The following PRDM5 variants were observed in gnomAD, a reference collection of about 807,000 sequenced individuals.
PRDM5 encodes PR domain zinc finger protein 5.
PRDM5 carries 56 observed loss-of-function variants against 81.2 expected under a neutral mutation model. The observed-to-expected ratio is 0.69, with a 90% CI of 0.56 to 0.86. The LOEUF (loss-of-function observed/expected upper bound fraction) is 0.86, where lower values mean the gene tolerates loss of function less well. PRDM5 is among the 40% of genes least tolerant of loss of function. PRDM5 has a pLI of 0.00. For synonymous variants in PRDM5, 267 were observed against 256.4 expected (o/e 1.04, Z -0.39); for missense variants, 697 against 770.1 (o/e 0.91, Z 1.12).
intron 2 of PRDM5, among the ~76,000 whole-genome samples, chr4:120,861,816 A>G (rs1446107554): frequency 1.3e-5 from 2 of 151,002 alleles, no homozygotes; most frequent in African/African-American, 4.9e-5. Flanking sequence ...AAGAAAAAAC[A>G]AAAAAAAAGG....
At chr4:120,769,538 T>C (rs1237240625) in intron 13 of PRDM5, among the ~76,000 whole-genome samples, 1 of 152,192 alleles carries the variant, frequency 6.6e-6, no homozygotes. Context: ...GCATTCATTT[T>C]GTACAAGGCA....
intron 12 of PRDM5, among the ~76,000 whole-genome samples, chr4:120,779,259 C>A (rs1390680279): frequency 6.6e-6 from 1 of 151,984 alleles, no homozygotes; most frequent in African/African-American, 2.4e-5. Context: ...AGGTATAATA[C>A]TAAACTACCT....
intron 14 of PRDM5, among the ~76,000 whole-genome samples, chr4:120,732,496 A>G (rs1368930247): frequency 6.6e-6 from 1 of 152,128 alleles, no homozygotes; most frequent in African/African-American, 2.4e-5. Flanking sequence ...CTAACAAGTA[A>G]ATTTTATATT....
chr4:120,844,559 G>A (rs1019396227), intron 3 of PRDM5, among the ~76,000 whole-genome samples: 2 of 152,114 alleles, frequency 1.3e-5, no homozygotes, highest in African/African-American at 4.8e-5. Context: ...TAAACCATAC[G>A]TATATAGTGG....
Position 120,839,156 on chromosome 4 carries a change from G to A in PRDM5, c.300+14262C>T, listed in dbSNP as rs1382177052. On this transcript the variant is annotated intron_variant, in intron 3 of 15. Transcript: ENST00000264808. ...GCTCCCAGGTCTGGGATCCCTGAAAGGCTGCAGCTCTTCTCTCCTTCTCTT... is the reference window on the plus strand; with the variant it reads ...GCTCCCAGGTCTGGGATCCCTGAAAAGCTGCAGCTCTTCTCTCCTTCTCTT... 4.4e-6 allele frequency: 3 copies of A among 687,458 alleles called. No homozygotes were observed. In the African/African-American group the frequency reaches 5.3e-5, roughly 12 times the overall value. The allele number at this position is 687,458 out of a possible 1,614,324, so 42.6% of individuals were successfully genotyped here. A position where few individuals can be genotyped will look rare whatever the true frequency, so the allele number is the denominator to read the frequency against.
At chr4:120,758,681 A>G (rs1490984196) in intron 13 of PRDM5, among the ~76,000 whole-genome samples, 1 of 152,092 alleles carries the variant, frequency 6.6e-6, no homozygotes, top group Non-Finnish European at 1.5e-5. Flanking sequence ...CTGAGAGGTG[A>G]CACAGTTTTA....
rs762668358 is a variant in PRDM5 at position 120,821,275 on chromosome 4, A to C, written c.371T>G (p.Leu124Arg). The C allele has an allele frequency of 1.9e-6, 3 of 1,614,040 alleles. No individual in the cohort carries two copies. The highest frequency in any genetic ancestry group is 1.7e-6 in the Non-Finnish European group (2 of 1,179,938). Residue 124 changes from leucine (L) to arginine (R), a missense_variant, in exon 4 of 16, where the codon CTG (leucine) becomes CGG (arginine). Physicochemically the swap from Leu to Arg is moderately radical, Grantham distance 102 (BLOSUM62 -2). Around this residue, in one of 3 missense-constraint regions of PRDM5, gnomAD observed 577 missense variants for 606.7 expected, o/e 0.95. Coordinates refer to ENST00000264808, the MANE Select transcript of PRDM5 (RefSeq NM_018699.4). ...CTCCTCAGCCTCCATGTCACTATCC[A>C]GGTAGCCAATCAGAAGCTCCGTGTC... The part of the protein sequence containing the change: ...ETDTELLIGY[L>R]DSDMEAEEEE...
At chr4:120,720,046 G>A (rs1362440682) in intron 14 of PRDM5, among the ~76,000 whole-genome samples, 1 of 152,100 alleles carries the variant, frequency 6.6e-6, no homozygotes, top group South Asian at 2.1e-4. Flanking sequence ...CAAAAACGCA[G>A]ACTGGTGAGC....
chr4:120,838,925 C>T (rs1757675513), intron 3 of PRDM5: 1 of 439,258 alleles, frequency 2.3e-6, no homozygotes, highest in Non-Finnish European at 4.2e-6. Flanking sequence ...CTGGCCAATG[C>T]ACAGTCAGAT....
intron 15 of PRDM5, among the ~76,000 whole-genome samples, chr4:120,696,141 G>A (rs187383017): frequency 2.0e-5 from 3 of 152,176 alleles, no homozygotes; most frequent in East Asian, 3.9e-4. Context: ...GAAAGGCTCA[G>A]GGCCCTAATT....
At chr4:120,869,565 C>T (rs941160381) in intron 2 of PRDM5, among the ~76,000 whole-genome samples, 2 of 152,148 alleles carry the variant, frequency 1.3e-5, no homozygotes, top group Admixed American at 6.5e-5. Flanking sequence ...CACTCATAGC[C>T]TGCCTGTTGT....
rs1759187416 is a variant in PRDM5 at position 120,850,878 on chromosome 4, A to T, written c.300+2540T>A. Among the ~76,000 whole-genome samples, 5 of 152,194 alleles carry T rather than the reference A, an allele frequency of 3.3e-5. No individual in the cohort carries two copies. The South Asian group carries it at 1.0e-3, about 32-fold the overall frequency. On this transcript the variant is annotated intron_variant, in intron 3 of 15. Transcript: ENST00000264808. ...TGAACATGAAAACTGTAAGTCTTAG[A>T]CAATGTGATTACTGAAAATGAGCGA...
intron 14 of PRDM5, among the ~76,000 whole-genome samples, chr4:120,735,055 A>C (rs998393445): frequency 6.6e-6 from 1 of 152,214 alleles, no homozygotes; most frequent in African/African-American, 2.4e-5. Flanking sequence ...TACAATTAGA[A>C]ACATAACACA....
At chr4:120,867,951 C>G (rs1183785995) in intron 2 of PRDM5, among the ~76,000 whole-genome samples, 2 of 152,214 alleles carry the variant, frequency 1.3e-5, no homozygotes, top group African/African-American at 2.4e-5. Context: ...GAAATGGGAA[C>G]AACATTGGGC....
At chr4:120,897,165 C>A (rs1213960723) in intron 2 of PRDM5, 1 of 152,086 alleles carries the variant, frequency 6.6e-6, no homozygotes, top group Non-Finnish European at 1.5e-5. Context: ...GAACCAGTCA[C>A]ATAGAAGTGA....
rs143438598 is a variant in PRDM5 at position 120,832,581 on chromosome 4, G to A, written c.301-11236C>T. ...CCCATGAGCTTGTGAGCCCCCTGAG[G>A]GCAGGCACTATATCATATTCACCTT... On this transcript the variant is annotated intron_variant, in intron 3 of 15. Transcript: ENST00000264808. Among the ~76,000 whole-genome samples the A allele has an allele frequency of 2.5e-3, 388 of 152,178 alleles. 3 individuals carry two copies. Among genetic ancestry groups the A allele is most frequent in the African/African-American group, 9.0e-3 (373 of 41,516 alleles).
chr4:120,763,870 C>T (rs1490592334), intron 13 of PRDM5, among the ~76,000 whole-genome samples: 2 of 150,984 alleles, frequency 1.3e-5, no homozygotes, highest in Admixed American at 6.6e-5. Flanking sequence ...GAGTATATAA[C>T]GTTGAGTAGC....
intron 2 of PRDM5, among the ~76,000 whole-genome samples, chr4:120,874,813 G>C (rs1371488480): frequency 6.6e-6 from 1 of 152,192 alleles, no homozygotes; most frequent in Non-Finnish European, 1.5e-5. Context: ...TGCAGATTTT[G>C]TCTATGTCTC....
At chr4:120,730,852 C>T (rs1039994046) in intron 14 of PRDM5, among the ~76,000 whole-genome samples, 6 of 152,086 alleles carry the variant, frequency 3.9e-5, no homozygotes, top group Non-Finnish European at 8.8e-5. Context: ...TGTGGATATA[C>T]CAAGTTCATA....
Sources: allele counts gnomAD v4.1 joint callset (sites outside exome capture counted in the v4.1 genomes callset), GRCh38; gene constraint gnomAD v4.1.1; regional missense constraint gnomAD v4.1.1; transcripts MANE v1.5; gene names NCBI Gene and HGNC (gene_info 2026-07-23, HGNC 2026-07-21).